Variants in LPIN1 observed in about 807,000 individuals in gnomAD.
The protein encoded by LPIN1 is lipin 1.
Under a neutral mutation model 107.5 loss-of-function variants are expected in LPIN1, and 71 were observed. That is an observed-to-expected ratio of 0.66 (90% CI 0.55 to 0.80). The LOEUF (loss-of-function observed/expected upper bound fraction) is 0.80. Among genes scored for constraint, LPIN1 ranks in the 30% least tolerant of loss-of-function variants. LPIN1 has a pLI of 0.00. For synonymous variants in LPIN1, 445 were observed against 452.6 expected (o/e 0.98, Z 0.21); for missense variants, 1,043 against 1,160.6 (o/e 0.90, Z 1.47).
At chr2:11,772,823 G>A (rs1474279256) in intron 4 of LPIN1, among the ~76,000 whole-genome samples, 1 of 152,134 alleles carries the variant, frequency 6.6e-6, no homozygotes, top group Non-Finnish European at 1.5e-5. Context: ...AAGGGATAAG[G>A]GGAATCAGGA....
intron 13 of LPIN1, among the ~76,000 whole-genome samples, chr2:11,793,228 C>T (rs1252797565): frequency 1.3e-5 from 2 of 152,140 alleles, no homozygotes; most frequent in Non-Finnish European, 2.9e-5. Flanking sequence ...TGCTTTTAGC[C>T]TCACTCCCAC....
At chr2:11,798,775 T>TA (rs780195460) in intron 14 of LPIN1, among the ~76,000 whole-genome samples, 5,130 of 131,466 alleles carry the variant, frequency 0.039, 132 homozygotes, top group African/African-American at 0.07. Flanking sequence ...TGCAGTTGAC[T>TA]AAAAAAAAAA....
At chr2:11,751,972 C>A (rs1169243828) in intron 1 of LPIN1, among the ~76,000 whole-genome samples, 10 of 152,178 alleles carry the variant, frequency 6.6e-5, no homozygotes, top group Non-Finnish European at 2.9e-5. Flanking sequence ...ACCTCTCTAC[C>A]ATTTTATTAT....
chr2:11,715,612 A>C (rs555412720), intron 2 of LPIN1, among the ~76,000 whole-genome samples: 1 of 152,244 alleles, frequency 6.6e-6, no homozygotes, highest in South Asian at 2.1e-4. Context: ...CATGGGCCTC[A>C]TGGGAGAGGA....
At chr2:11,761,293 T>C (rs2148607786) in intron 1 of LPIN1, among the ~76,000 whole-genome samples, 1 of 152,336 alleles carries the variant, frequency 6.6e-6, no homozygotes, top group Non-Finnish European at 1.5e-5. Context: ...TCAGGAACCA[T>C]CCCACTGCAC....
At chr2:11,726,321 G>A (rs1664648412) in intron 1 of LPIN1, among the ~76,000 whole-genome samples, 1 of 152,104 alleles carries the variant, frequency 6.6e-6, no homozygotes, top group African/African-American at 2.4e-5. Flanking sequence ...ATGACGAATC[G>A]GTCTCCATCT....
At chr2:11,687,806 A>C (rs962932806) in intron 1 of LPIN1, among the ~76,000 whole-genome samples, 2 of 152,258 alleles carry the variant, frequency 1.3e-5, no homozygotes, top group African/African-American at 4.8e-5. Context: ...CAGCCTTATC[A>C]GGTGGGTGGC....
Position 11,686,730 on chromosome 2 carries a change from A to G in LPIN1, c.81+9002A>G, listed in dbSNP as rs115411763. ...GGTCTGACGCTCACCTTCTGCTCTC[A>G]TCACTCCTATGTGAGGACCCATGAA... On this transcript the variant is annotated intron_variant, in intron 1 of 21. Transcript: ENST00000449576. Among the ~76,000 whole-genome samples the G allele has an allele frequency of 9.7e-3, 1,472 of 152,178 alleles. 28 individuals carry two copies. The highest frequency in any genetic ancestry group is 0.034 in the African/African-American group (1,391 of 41,512).
At chr2:11,702,151 C>CA (rs1662905563) in intron 1 of LPIN1, among the ~76,000 whole-genome samples, 1 of 152,164 alleles carries the variant, frequency 6.6e-6, no homozygotes, top group Non-Finnish European at 1.5e-5. Context: ...CACAAGGCCA[C>CA]ATGGGGAAGC....
At chr2:11,719,370 G>T (rs531976779), upstream of LPIN1, among the ~76,000 whole-genome samples, 1 of 152,216 alleles carries the variant, frequency 6.6e-6, no homozygotes, top group Non-Finnish European at 1.5e-5. Context: ...CCAGGAGCTG[G>T]CTGTTATCTG....
chr2:11,759,185 C>CT (rs1463624296), intron 1 of LPIN1, among the ~76,000 whole-genome samples: 2 of 133,586 alleles, frequency 1.5e-5, no homozygotes, highest in Admixed American at 7.6e-5. Flanking sequence ...TTCTTTCTTT[C>CT]TTTCTTTTCT....
intron 1 of LPIN1, among the ~76,000 whole-genome samples, chr2:11,709,098 G>A (rs1174586380): frequency 6.6e-6 from 1 of 152,158 alleles, no homozygotes; most frequent in Non-Finnish European, 1.5e-5. Flanking sequence ...ACCACAAGTG[G>A]TTATCTCATC....
At position 11,827,230 on chromosome 2, in the gene LPIN1, A is replaced by T. The variant is rs1178591201; in HGVS notation, c.*2439A>T. 1 of 152,608 alleles carries T rather than the reference A, an allele frequency of 6.6e-6. No homozygotes were observed. The highest frequency in any genetic ancestry group is 1.5e-5 in the Non-Finnish European group (1 of 68,044). 9.5% of individuals were successfully genotyped at this position (152,608 alleles called of 1,614,324 possible). On this transcript the variant is annotated 3_prime_UTR_variant, in exon 21 of 21. Coordinates refer to ENST00000674199, the MANE Select transcript of LPIN1 (RefSeq NM_001349206.2). The surrounding 1 kb of genome is among the most constrained non-coding windows in gnomAD (Gnocchi z 4.1). ...GAAAAATAATTACACTTTCAAAGAG[A>T]ATTCCCTTTGCAATTTTATGTTTGG... is the stretch of plus-strand genomic sequence containing the variant.
At chr2:11,781,818 T>A in intron 7 of LPIN1, among the ~76,000 whole-genome samples, 1 of 152,194 alleles carries the variant, frequency 6.6e-6, no homozygotes, top group Non-Finnish European at 1.5e-5. Context: ...GGAAACTTGA[T>A]CTTAGCAACA....
intron 13 of LPIN1, chr2:11,792,291 G>A (rs796177809): frequency 7.8e-5 from 25 of 321,850 alleles, no homozygotes; most frequent in African/African-American, 5.0e-4. Context: ...TATAAAAGAA[G>A]GGATTCAGCC....
intron 1 of LPIN1, among the ~76,000 whole-genome samples, chr2:11,733,549 T>A (rs997006080): frequency 6.6e-6 from 1 of 151,724 alleles, no homozygotes; most frequent in Non-Finnish European, 1.5e-5. Context: ...TGGAGTGCAG[T>A]GGCGTGATCT....
At chr2:11,801,045 C>T (rs764213371) in intron 14 of LPIN1, among the ~76,000 whole-genome samples, 14 of 152,138 alleles carry the variant, frequency 9.2e-5, no homozygotes, top group Non-Finnish European at 1.5e-4. Context: ...AAATCAAAAC[C>T]ACAGTGAGAT....
intron 1 of LPIN1, among the ~76,000 whole-genome samples, chr2:11,757,221 C>G (rs1389227029): frequency 1.3e-5 from 2 of 152,200 alleles, no homozygotes; most frequent in Non-Finnish European, 2.9e-5. Context: ...AAATTGAAGC[C>G]TTCCATTTGG....
At chr2:11,703,560 GCC>G (rs1662987531) in intron 1 of LPIN1, among the ~76,000 whole-genome samples, 1 of 152,166 alleles carries the variant, frequency 6.6e-6, no homozygotes, top group Admixed American at 6.5e-5. Flanking sequence ...AGAAGGACTT[GCC>G]TCATTATTTT....
Sources: allele counts gnomAD v4.1 joint callset (sites outside exome capture counted in the v4.1 genomes callset), GRCh38; gene constraint gnomAD v4.1.1; non-coding constraint Gnocchi (gnomAD v3.1); transcripts MANE v1.5; gene names NCBI Gene and HGNC (gene_info 2026-07-23, HGNC 2026-07-21).